NCKAP5: variants seen among roughly 807,000 people sequenced by gnomAD.
The protein encoded by NCKAP5 is nck-associated protein 5.
In NCKAP5, 92 loss-of-function variants were observed where a neutral mutation model predicts 167.0. The observed-to-expected ratio is 0.55, with a 90% CI of 0.47 to 0.66. NCKAP5 has a LOEUF of 0.66. Among genes scored for constraint, NCKAP5 ranks in the 30% least tolerant of loss-of-function variants. The probability of loss-of-function intolerance (pLI) is 0.00; values close to 1 mark genes in which losing one functional copy is unlikely to be tolerated. For synonymous variants in NCKAP5, 891 were observed against 877.4 expected (o/e 1.02, Z -0.27); for missense variants, 2,378 against 2,315.0 (o/e 1.03, Z -0.56).
At chr2:133,042,006 A>T (rs185591600) in intron 6 of NCKAP5, among the ~76,000 whole-genome samples, 3 of 152,274 alleles carry the variant, frequency 2.0e-5, no homozygotes, top group Middle Eastern at 3.4e-3. Context: ...TGAGAATGCT[A>T]TCTTGAATAG....
chr2:132,694,327 C>T (rs528974879), intron 19 of NCKAP5, among the ~76,000 whole-genome samples: 3 of 152,174 alleles, frequency 2.0e-5, no homozygotes, highest in South Asian at 4.2e-4. Flanking sequence ...CGATGAAACG[C>T]AGCATTTCAT....
intron 12 of NCKAP5, among the ~76,000 whole-genome samples, chr2:132,792,772 C>T (rs1455692865): frequency 6.6e-6 from 1 of 152,228 alleles, no homozygotes; most frequent in Admixed American, 6.5e-5. Flanking sequence ...AATTCTCTGT[C>T]CTTCCCGCCT....
intron 3 of NCKAP5, among the ~76,000 whole-genome samples, chr2:133,420,838 G>A (rs1192766732): frequency 6.6e-6 from 1 of 152,138 alleles, no homozygotes; most frequent in African/African-American, 2.4e-5. Flanking sequence ...GCGAAGCTGA[G>A]TTCTGAACCA....
Position 133,385,056 on chromosome 2 carries a change from T to C in NCKAP5, c.70-81946A>G, listed in dbSNP as rs551165743. 7.9e-5 allele frequency among the ~76,000 whole-genome samples: 12 copies of C among 152,322 alleles called. No individual in the cohort carries two copies. In the East Asian group the frequency reaches 2.3e-3, roughly 29 times the overall value. ...GCTTTATTTCTTTCTCCTGCCTGAT[T>C]GCCCTGGCCAGAACTTCCAACACTA... On this transcript the variant is annotated intron_variant, in intron 3 of 19. Coordinates refer to ENST00000409261, the MANE Select transcript of NCKAP5 (RefSeq NM_207363.3).
At chr2:133,647,779 A>G in the NCKAP5 span, among the ~76,000 whole-genome samples, 13 of 151,372 alleles carry the variant, frequency 8.6e-5, no homozygotes, top group South Asian at 2.1e-4. Flanking sequence ...AGAAAAGAAA[A>G]AAAAGAAAAG....
At chr2:133,654,855 A>T in the NCKAP5 span, among the ~76,000 whole-genome samples, 1 of 152,134 alleles carries the variant, frequency 6.6e-6, no homozygotes, top group East Asian at 1.9e-4. Flanking sequence ...CTGTTTTTGG[A>T]TACTCTTGGA....
intron 3 of NCKAP5, among the ~76,000 whole-genome samples, chr2:133,471,170 C>G (rs533511258): frequency 1.3e-5 from 2 of 151,546 alleles, no homozygotes; most frequent in East Asian, 3.9e-4. Flanking sequence ...ATTTTTTTTT[C>G]AAAGGTTAGA....
chr2:132,797,204 C>A (rs537103195), intron 11 of NCKAP5, among the ~76,000 whole-genome samples: 6 of 152,140 alleles, frequency 3.9e-5, no homozygotes, highest in Non-Finnish European at 8.8e-5. Context: ...CCCTTGGACA[C>A]GTTTTAACTC....
At chr2:132,995,509 G>A (rs1043243786) in intron 6 of NCKAP5, among the ~76,000 whole-genome samples, 1 of 151,790 alleles carries the variant, frequency 6.6e-6, no homozygotes, top group Admixed American at 6.6e-5. Context: ...AAATTAGCTG[G>A]GTGTGGTGGC....
rs575980800 is a variant in NCKAP5 at position 133,497,010 on chromosome 2, T to C, written c.69+20448A>G. ...GTTATCAGGAGAATTACTTAGCACT[T>C]ACTGTCAGCACAACCACAGCCTCCT... On this transcript the variant is annotated intron_variant, in intron 3 of 19. Coordinates refer to ENST00000409261, the MANE Select transcript of NCKAP5 (RefSeq NM_207363.3). Among the ~76,000 whole-genome samples, 17 of 152,350 alleles carry C rather than the reference T, an allele frequency of 1.1e-4. No homozygotes were observed. In the South Asian group the frequency reaches 1.2e-3, roughly 11 times the overall value.
intron 3 of NCKAP5, among the ~76,000 whole-genome samples, chr2:133,363,401 T>C (rs559262127): frequency 1.3e-5 from 2 of 152,188 alleles, no homozygotes; most frequent in African/African-American, 2.4e-5. Flanking sequence ...AAAGAGATCA[T>C]GTGGCACACA....
At chr2:133,624,679 A>G in the NCKAP5 span, among the ~76,000 whole-genome samples, 2 of 152,240 alleles carry the variant, frequency 1.3e-5, no homozygotes, top group African/African-American at 4.8e-5. Flanking sequence ...CAGTTATTGC[A>G]GTATTCATTT....
chr2:132,827,287 A>G (rs150078473), intron 11 of NCKAP5, among the ~76,000 whole-genome samples: 233 of 152,250 alleles, frequency 1.5e-3, no homozygotes, highest in African/African-American at 5.4e-3. Flanking sequence ...TACCATTTCC[A>G]TCCCTTTTAA....
intron 3 of NCKAP5, among the ~76,000 whole-genome samples, chr2:133,388,199 G>A (rs904978670): frequency 6.6e-6 from 1 of 152,110 alleles, no homozygotes; most frequent in Non-Finnish European, 1.5e-5. Flanking sequence ...TTTGATGATG[G>A]TGACGTACAG....
chr2:133,152,440 G>A (rs778369024), intron 5 of NCKAP5, among the ~76,000 whole-genome samples: 8 of 152,222 alleles, frequency 5.3e-5, no homozygotes, highest in African/African-American at 1.2e-4. Context: ...GATGTACGCC[G>A]AATGCATTAA....
intron 6 of NCKAP5, among the ~76,000 whole-genome samples, chr2:133,047,783 C>A (rs1449830382): frequency 2.0e-5 from 3 of 152,192 alleles, no homozygotes; most frequent in African/African-American, 7.2e-5. Flanking sequence ...ATTACAACAT[C>A]CATTCACTTA....
chr2:133,324,512 G>A (rs1444887097), intron 3 of NCKAP5, among the ~76,000 whole-genome samples: 6 of 152,146 alleles, frequency 3.9e-5, no homozygotes, highest in East Asian at 1.9e-4. Flanking sequence ...TTGTGAGGCC[G>A]GGAGATGTGG....
At chr2:133,232,907 A>G (rs1014489470) in intron 4 of NCKAP5, among the ~76,000 whole-genome samples, 2 of 152,236 alleles carry the variant, frequency 1.3e-5, no homozygotes, top group African/African-American at 4.8e-5. Context: ...CTCCTTCTAT[A>G]TAATCTGAGT....
intron 4 of NCKAP5, among the ~76,000 whole-genome samples, chr2:133,235,794 C>A (rs965999663): frequency 6.6e-6 from 1 of 151,612 alleles, no homozygotes; most frequent in Non-Finnish European, 1.5e-5. Flanking sequence ...ATCCCAGCTA[C>A]TCGGGAGGCT....
Sources: gnomAD v4.1 joint callset for allele counts (sites outside exome capture counted in the v4.1 genomes callset) on GRCh38, gnomAD v4.1.1 for gene constraint, MANE v1.5 for transcripts, NCBI Gene and HGNC (gene_info 2026-07-23, HGNC 2026-07-21) for gene names.